Variants in AGO2 observed in about 807,000 individuals in gnomAD.
The protein encoded by AGO2 is protein argonaute-2.
A neutral mutation model predicts 102.3 loss-of-function variants in AGO2; 5 were observed. The ratio of observed to expected loss-of-function variants is 0.05; its 90% CI spans 0.03 to 0.10. The LOEUF (loss-of-function observed/expected upper bound fraction) is 0.10. Ranked by LOEUF, AGO2 falls within the 10% of genes least tolerant of loss-of-function variation. The pLI, the probability that AGO2 is intolerant of heterozygous loss-of-function variation, is 1.00. For synonymous variants in AGO2, 449 were observed against 473.1 expected, an observed-to-expected ratio of 0.95 and a Z score of 0.66; for missense variants, 541 against 1,183.7, an observed-to-expected ratio of 0.46 and a Z score of 7.97.
rs972568317 is a variant in AGO2 at position 140,530,716 on chromosome 8, C to T, written c.*1328G>A. 6.6e-6 allele frequency: 1 copy of T among 152,358 alleles called. No individual in the cohort carries two copies. The highest frequency in any genetic ancestry group is 1.5e-5 in the Non-Finnish European group (1 of 68,098). 9.4% of individuals were successfully genotyped at this position (152,358 alleles called of 1,614,324 possible). ...TCCCAGGGCCAGGCAAGCTCCTTCG[C>T]TGTGACCGACGGCCTCACGCCCAGC... On this transcript the variant is annotated 3_prime_UTR_variant, in exon 19 of 19. Transcript: ENST00000220592.
chr8:140,566,150 A>G (rs2073280742), intron 3 of AGO2, among the ~76,000 whole-genome samples: 1 of 152,126 alleles, frequency 6.6e-6, no homozygotes, highest in Admixed American at 6.6e-5. Context: ...GAATTCCCAC[A>G]TGTTGTGGTA....
intron 1 of AGO2, among the ~76,000 whole-genome samples, chr8:140,630,604 A>G (rs575904046): frequency 9.1e-4 from 139 of 152,374 alleles, no homozygotes; most frequent in African/African-American, 3.3e-3. Flanking sequence ...CACAGGCAGC[A>G]CAGAGCTGGC....
chr8:140,638,511 G>A (rs909259344), upstream of AGO2, among the ~76,000 whole-genome samples: 7 of 152,310 alleles, frequency 4.6e-5, no homozygotes, highest in African/African-American at 9.6e-5. Context: ...TCAAGGTTCC[G>A]TGGAGCATAA....
chr8:140,554,376 A>AC (rs200857061), intron 10 of AGO2, among the ~76,000 whole-genome samples: 3,216 of 151,820 alleles, frequency 0.021, 45 homozygotes, highest in South Asian at 0.048. Context: ...AGGGACACAG[A>AC]CCCCCCCACG....
intron 1 of AGO2, among the ~76,000 whole-genome samples, chr8:140,617,532 C>A (rs1296042038): frequency 6.6e-6 from 1 of 152,320 alleles, no homozygotes; most frequent in South Asian, 2.1e-4. Context: ...GGATTACAGA[C>A]GTAAGCCACT....
chr8:140,564,725 C>T (rs545116646), intron 3 of AGO2, among the ~76,000 whole-genome samples: 2 of 151,186 alleles, frequency 1.3e-5, no homozygotes, highest in East Asian at 2.0e-4. Context: ...GATGGATCAC[C>T]TAAGGTCAGG....
At position 140,552,069 on chromosome 8, in the gene AGO2, G is replaced by C. The variant is rs1588449406; in HGVS notation, c.1270-633C>G. ...CATCCAACCTCATGAGCAGCCTGGA[G>C]GAAGAGAAGTGCCTTGCCATGCTAC... On this transcript the variant is annotated intron_variant, in intron 10 of 18. Transcript: ENST00000220592. Among the ~76,000 whole-genome samples the C allele has an allele frequency of 3.3e-5, 5 of 152,226 alleles. No homozygotes were observed. The South Asian group carries it at 1.0e-3, about 32-fold the overall frequency.
chr8:140,639,371 C>T (rs556722497), upstream of AGO2, among the ~76,000 whole-genome samples: 78 of 152,028 alleles, frequency 5.1e-4, no homozygotes, highest in African/African-American at 1.8e-3. Context: ...GTCCCAGCTA[C>T]TCGGGAGGCT....
chr8:140,547,675 A>T (rs1197863558), intron 12 of AGO2, 48 bp from the exon 13 acceptor site: 2 of 1,570,248 alleles, frequency 1.3e-6, no homozygotes, highest in Non-Finnish European at 1.7e-6. Flanking sequence ...CCCCTTCCTC[A>T]GCTGGCCCCG....
intron 3 of AGO2, 95 bp downstream of exon 3, chr8:140,572,717 T>G: frequency 1.3e-6 from 2 of 1,495,348 alleles, no homozygotes; most frequent in Non-Finnish European, 9.0e-7. Context: ...AGTGAAATAG[T>G]TTCGTGTATG....
chr8:140,585,367 T>C (rs2073639399), intron 1 of AGO2, 56 bp from the exon 2 acceptor site: 2 of 1,566,896 alleles, frequency 1.3e-6, no homozygotes, highest in South Asian at 2.4e-5. Flanking sequence ...TCTGCGGCCC[T>C]TCCCATCCCG....
chr8:140,634,367 G>A (rs935290054), intron 1 of AGO2, among the ~76,000 whole-genome samples: 4 of 152,248 alleles, frequency 2.6e-5, no homozygotes, highest in African/African-American at 9.6e-5. Context: ...GGGAATGCGA[G>A]CCTCCTCGCC....
Position 140,557,043 on chromosome 8 carries a change from C to G in AGO2, c.1026+46G>C, listed in dbSNP as rs1244368397. The stretch of plus-strand genomic sequence containing the variant: ...AAGCTGCATGCCCCAGCCTGGGACG[C>G]CGCCCTCCCAAGCCCCCAGAGACAC... On this transcript the variant is annotated intron_variant, in intron 8 of 18. Transcript: ENST00000220592. The surrounding 1 kb of genome is among the most constrained non-coding windows in gnomAD (Gnocchi z 5.9). 1 of 1,576,066 alleles carries G rather than the reference C, an allele frequency of 6.3e-7. No homozygotes were observed. Among genetic ancestry groups the G allele is most frequent in the African/African-American group, 1.4e-5 (1 of 74,006 alleles).
rs533778434 is a variant in AGO2 at position 140,594,733 on chromosome 8, G to T, written c.23-9422C>A. Among the ~76,000 whole-genome samples the T allele has an allele frequency of 4.0e-3, 607 of 152,100 alleles. 3 individuals are homozygous for T. The highest frequency in any genetic ancestry group is 2.9e-3 in the Non-Finnish European group (199 of 67,974). On this transcript the variant is annotated intron_variant, in intron 1 of 18. Coordinates refer to ENST00000220592, the MANE Select transcript of AGO2 (RefSeq NM_012154.5). ...TGAGATGGGAGGATCACTTGAGCCT[G>T]GGGAGGTCAAGGCTGCAGTGATCCG...
chr8:140,619,156 C>T (rs887047522), intron 1 of AGO2, among the ~76,000 whole-genome samples: 2 of 152,098 alleles, frequency 1.3e-5, no homozygotes, highest in African/African-American at 4.8e-5. Flanking sequence ...CCTGGGCTGC[C>T]CACACAGTGT....
At chr8:140,549,061 A>G (rs1167849683) in intron 12 of AGO2, 53 bp downstream of exon 12, 3 of 1,538,166 alleles carry the variant, frequency 2.0e-6, no homozygotes, top group Non-Finnish European at 2.6e-6. Flanking sequence ...AGGAACAAAC[A>G]CCCACGGAGA....
chr8:140,532,151 C>T lies in AGO2; in HGVS notation c.2473G>A (p.Ala825Thr). Residue 825 changes from alanine to threonine, a missense_variant and splice_region_variant, in exon 19 of 19, where the codon GCT (alanine) becomes ACT (threonine). This residue lies in a region of AGO2 where 309 missense variants were observed against 735.1 expected (regional missense o/e 0.42). Coordinates refer to ENST00000220592, the MANE Select transcript of AGO2 (RefSeq NM_012154.5). ...TGCCCAGAGGTATGGCTTCCTTCAG[C>T]ACTGCAGGGATGAGAGAGAGAGAGA... ...YHLVDKEHDS[A>T]EGSHTSGQSN... is the part of the protein sequence containing the mutation. The T allele has an allele frequency of 6.2e-7, 1 of 1,613,552 alleles. No individual in the cohort carries two copies. Among genetic ancestry groups the T allele is most frequent in the East Asian group, 2.2e-5 (1 of 44,870 alleles).
chr8:140,625,366 G>A (rs1435016434), intron 1 of AGO2, among the ~76,000 whole-genome samples: 5 of 151,990 alleles, frequency 3.3e-5, no homozygotes, highest in African/African-American at 4.8e-5. Context: ...TTGGCCTCCC[G>A]AAGTGCTGGG....
chr8:140,611,028 G>C (rs1162034776), intron 1 of AGO2, among the ~76,000 whole-genome samples: 1 of 152,222 alleles, frequency 6.6e-6, no homozygotes, highest in African/African-American at 2.4e-5. Context: ...GAGTTAAACA[G>C]AACAGGAGTT....
Sources: gnomAD v4.1 joint callset for allele counts (sites outside exome capture counted in the v4.1 genomes callset) on GRCh38, gnomAD v4.1.1 for gene constraint, gnomAD v4.1.1 regional missense constraint, Gnocchi (gnomAD v3.1) non-coding constraint, MANE v1.5 for transcripts, NCBI Gene and HGNC (gene_info 2026-07-23, HGNC 2026-07-21) for gene names.